Variants in AGXT2 observed in about 807,000 individuals in gnomAD.
AGXT2 encodes the protein alanine--glyoxylate aminotransferase 2, mitochondrial.
In AGXT2, 61 loss-of-function variants were observed where a neutral mutation model predicts 62.5. That is an observed-to-expected ratio of 0.98 (90% confidence interval 0.79 to 1.21). The LOEUF is 1.21. AGXT2 is among the 50% of genes most tolerant of loss of function. The probability of loss-of-function intolerance (pLI) is 0.00; values close to 1 mark genes in which losing one functional copy is unlikely to be tolerated. For missense variants in AGXT2, 666 were observed against 641.5 expected (o/e 1.04, Z -0.41); for synonymous variants, 243 against 218.7 (o/e 1.11, Z -0.98).
intron 11 of AGXT2, among the ~76,000 whole-genome samples, chr5:35,011,915 T>TACAC (rs57016954): frequency 4.1e-3 from 580 of 140,902 alleles, no homozygotes; most frequent in Non-Finnish European, 4.5e-3. Flanking sequence ...ATGTGGTGTA[T>TACAC]ACACACACAC....
At chr5:35,011,458 T>TAAAAAA (rs11358241) in intron 11 of AGXT2, among the ~76,000 whole-genome samples, 3 of 119,786 alleles carry the variant, frequency 2.5e-5, no homozygotes, top group South Asian at 2.8e-4. Context: ...AGACTCTTTC[T>TAAAAAA]AAAAAAAAAA....
rs754651133 is a variant in AGXT2, at chr5:35,003,742, A to G, written c.1437+21T>C. On this transcript the variant is annotated intron_variant, in intron 13 of 13. Coordinates refer to ENST00000231420, the MANE Select transcript of AGXT2 (RefSeq NM_031900.4). ...GAGACTCCTACCTAGAGCGATAGGT[A>G]AAAACCAGTCTTTCTCTTACCTGAG... The G allele has an allele frequency of 5.0e-6, 8 of 1,604,642 alleles. No individual in the cohort carries two copies. In the Admixed American group the frequency reaches 5.0e-5, roughly 10 times the overall value.
At chr5:35,026,049 T>C (rs576247053) in intron 8 of AGXT2, 194 bp from the exon 9 acceptor site, 1 of 623,646 alleles carries the variant, frequency 1.6e-6, no homozygotes, top group East Asian at 2.8e-5. Context: ...GGAAAAAAGA[T>C]GCAAACATTG....
rs1767443171 is a variant in AGXT2, at chr5:35,028,558, T to TAAGA, written c.770-2049_770-2048insTCTT. On this transcript the variant is annotated intron_variant, in intron 7 of 13. Transcript: ENST00000231420. ...GGAATCACCAAGGAAGCAGGAAAGG[T>TAAGA]GAGAGAGAGAGAGAGAGAGAGAGAG... Among the ~76,000 whole-genome samples, 3 of 10,552 alleles carry TAAGA rather than the reference T, an allele frequency of 2.8e-4. No homozygotes were observed. In the Admixed American group the frequency reaches 4.1e-3, roughly 15 times the overall value. The allele number at this position is 10,552 out of a possible 152,430, so 6.9% of individuals were successfully genotyped here. A position where few individuals can be genotyped will look rare whatever the true frequency, so the allele number is the denominator to read the frequency against.
chr5:35,021,707 G>A (rs1162463554), intron 9 of AGXT2, among the ~76,000 whole-genome samples: 1 of 152,150 alleles, frequency 6.6e-6, no homozygotes, highest in Non-Finnish European at 1.5e-5. Flanking sequence ...GGCAACAAAA[G>A]CCAAAATTGA....
intron 7 of AGXT2, chr5:35,026,971 T>A: frequency 2.0e-6 from 2 of 985,420 alleles, no homozygotes; most frequent in Non-Finnish European, 2.4e-6. Context: ...TCTTTGTCTT[T>A]AGAGTTAGTA....
chr5:35,025,975 C>G (rs556056291), intron 8 of AGXT2, 120 bp from the exon 9 acceptor site: 8 of 843,334 alleles, frequency 9.5e-6, no homozygotes, highest in Non-Finnish European at 1.6e-5. Context: ...ATTTTAACAA[C>G]AGTCTGTAGA....
chr5:35,045,770 T>TC (rs1195041904), intron 1 of AGXT2, among the ~76,000 whole-genome samples: 19 of 37,240 alleles, frequency 5.1e-4, no homozygotes, highest in South Asian at 2.0e-3. Flanking sequence ...TTTTCTTTTT[T>TC]TTTTTTTTTT....
chr5:35,023,405 C>T, intron 9 of AGXT2, among the ~76,000 whole-genome samples: 1 of 152,132 alleles, frequency 6.6e-6, no homozygotes, highest in East Asian at 1.9e-4. Flanking sequence ...CTTATTTTTA[C>T]CTAGTCCTCG....
chr5:34,998,158 C>T lies in AGXT2; in HGVS notation c.*561G>A, dbSNP rs1335317597. Reference sequence around the variant, plus strand: ...CAAGAGGCCCTGAGGTAGGGTGGCTCCAGGAATGCTTAAGTGAGTGCTTCT... The same window carrying T: ...CAAGAGGCCCTGAGGTAGGGTGGCTTCAGGAATGCTTAAGTGAGTGCTTCT... On this transcript the variant is annotated 3_prime_UTR_variant, in exon 14 of 14. Coordinates refer to ENST00000231420, the MANE Select transcript of AGXT2 (RefSeq NM_031900.4). The T allele has an allele frequency of 2.5e-5, 4 of 159,736 alleles. No individual in the cohort carries two copies. Among genetic ancestry groups the T allele is most frequent in the Non-Finnish European group, 5.5e-5 (4 of 72,238 alleles). 9.9% of individuals were successfully genotyped at this position (159,736 alleles called of 1,614,324 possible). A position where few individuals can be genotyped will look rare whatever the true frequency, so the allele number is the denominator to read the frequency against.
intron 4 of AGXT2, among the ~76,000 whole-genome samples, chr5:35,036,158 C>T (rs1447305075): frequency 2.0e-5 from 3 of 152,072 alleles, no homozygotes; most frequent in Non-Finnish European, 1.5e-5. Context: ...AGAACTGTGC[C>T]CTCCAGACTC....
intron 13 of AGXT2, among the ~76,000 whole-genome samples, chr5:35,000,992 A>G (rs1372819044): frequency 2.6e-5 from 4 of 152,224 alleles, no homozygotes; most frequent in Non-Finnish European, 5.9e-5. Flanking sequence ...GATACTCAAC[A>G]CTTTATTATA....
At chr5:35,009,421 C>A (rs530754667) in intron 12 of AGXT2, among the ~76,000 whole-genome samples, 74 of 152,038 alleles carry the variant, frequency 4.9e-4, no homozygotes, top group Non-Finnish European at 1.0e-3. Context: ...TATGGCAAAA[C>A]CCCATTTCTA....
Position 35,033,463 on chromosome 5 carries a change from T to C in AGXT2, c.672A>G (p.Gln224=), listed in dbSNP as rs965123947. The change falls in exon 6 of 14, where the codon CAA becomes CAG. Residue 224 remains glutamine (Q), a synonymous_variant. Transcript: ENST00000231420. ...KMELPGGTGC[Q]PTMCPDVFRG... The stretch of plus-strand genomic sequence containing the variant: ...AGAGAAAAATCTCCAAACTCACTGG[T>C]TGGCAACCTGTCCCACCAGGGAGTT... 10 of 1,611,156 alleles carry C rather than the reference T, an allele frequency of 6.2e-6. No homozygotes were observed. Among genetic ancestry groups the C allele is most frequent in the Middle Eastern group, 1.7e-4 (1 of 6,054 alleles).
intron 7 of AGXT2, 126 bp downstream of exon 7, chr5:35,032,606 G>T: frequency 1.1e-6 from 1 of 869,720 alleles, no homozygotes; most frequent in Non-Finnish European, 1.9e-6. Flanking sequence ...TTCCAGTTTT[G>T]CTTCCTCTGG....
At chr5:35,007,942 A>G (rs149616) in intron 12 of AGXT2, among the ~76,000 whole-genome samples, 152,076 of 152,082 alleles carry the variant, frequency 1, 76,035 homozygotes, top group Non-Finnish European at 1. Context: ...ACCAACCCCT[A>G]ATCTCTTGCT....
Position 35,032,972 on chromosome 5 carries a change from C to T in AGXT2, c.676-147G>A, listed in dbSNP as rs1767627886. 2.4e-5 allele frequency: 17 copies of T among 712,812 alleles called. No individual in the cohort carries two copies. In the South Asian group the frequency reaches 2.6e-4, roughly 11 times the overall value. 44.2% of individuals were successfully genotyped at this position (712,812 alleles called of 1,614,324 possible). On this transcript the variant is annotated intron_variant, in intron 6 of 13. Coordinates refer to ENST00000231420, the MANE Select transcript of AGXT2 (RefSeq NM_031900.4). ...CTTAAGATGAAAATTGAAGGATCTG[C>T]TTTGAAGAGATAATTTTTTCTTAGA...
chr5:35,012,547 A>C, intron 11 of AGXT2: 1 of 257,816 alleles, frequency 3.9e-6, no homozygotes, highest in Non-Finnish European at 7.6e-6. Flanking sequence ...AGCACGTAGA[A>C]CTCAGTGTCT....
At chr5:35,026,678 G>T (rs1247140824) in intron 7 of AGXT2, among the ~76,000 whole-genome samples, 168 bp from the exon 8 acceptor site, 1 of 151,980 alleles carries the variant, frequency 6.6e-6, no homozygotes, top group Non-Finnish European at 1.5e-5. Context: ...CATTTCTGAA[G>T]GGGGAATGTT....
Sources: allele counts gnomAD v4.1 joint callset (sites outside exome capture counted in the v4.1 genomes callset), GRCh38; gene constraint gnomAD v4.1.1; transcripts MANE v1.5; gene names NCBI Gene and HGNC (gene_info 2026-07-23, HGNC 2026-07-21).